Variants in DUOX2 observed in about 807,000 individuals in gnomAD.
The protein encoded by DUOX2 is dual oxidase 2, also known as NADH/NADPH thyroid oxidase p138-tox.
Under a neutral mutation model 183.3 loss-of-function variants are expected in DUOX2, and 185 were observed. That is an observed-to-expected ratio of 1.01 (90% confidence interval 0.90 to 1.14). The LOEUF (loss-of-function observed/expected upper bound fraction) is 1.14. DUOX2 is among the 50% of genes most tolerant of loss of function. The pLI, the probability that DUOX2 is intolerant of heterozygous loss-of-function variation, is 0.00. For missense variants in DUOX2, 1,999 were observed against 2,022.9 expected, an observed-to-expected ratio of 0.99 and a Z score of 0.23; for synonymous variants, 788 against 812.4, an observed-to-expected ratio of 0.97 and a Z score of 0.51.
rs1595521365 is a variant in DUOX2 at position 45,099,840 on chromosome 15, G to A, written c.3237C>T (p.Gly1079=). The change falls in exon 25 of 34, where the codon GGC becomes GGT. Residue 1079 remains glycine, a synonymous_variant. Coordinates refer to ENST00000389039, the MANE Select transcript of DUOX2 (RefSeq NM_001363711.2). The part of the protein sequence containing the change: ...PSDIAQTTLV[G]IILSRGTAAS... ...CCGCCGTGCCTCGTGACAGGATGATGCCCACGAGGGTGGTCTGTGCAATGT... is the reference window on the plus strand; with the variant it reads ...CCGCCGTGCCTCGTGACAGGATGATACCCACGAGGGTGGTCTGTGCAATGT... 1.9e-6 allele frequency: 3 copies of A among 1,614,226 alleles called. No individual in the cohort carries two copies. The East Asian group carries it at 6.7e-5, about 36-fold the overall frequency.
intron 5 of DUOX2, 66 bp downstream of exon 5, chr15:45,111,702 C>G: frequency 6.8e-7 from 1 of 1,467,448 alleles, no homozygotes; most frequent in Non-Finnish European, 9.0e-7. Context: ...CAGGCCCTGC[C>G]AGGCCCGAAG....
intron 4 of DUOX2, among the ~76,000 whole-genome samples, chr15:45,112,232 G>T (rs1289268403): frequency 6.6e-6 from 1 of 152,176 alleles, no homozygotes; most frequent in African/African-American, 2.4e-5. Flanking sequence ...CTCCCTCTGG[G>T]CTAGGGGGAG....
At chr15:45,099,974 G>T in intron 24 of DUOX2, 76 bp downstream of exon 24, 1 of 1,610,898 alleles carries the variant, frequency 6.2e-7, no homozygotes, top group Non-Finnish European at 8.5e-7. Context: ...AGACTCTTAG[G>T]ATCAGAGGGC....
chr15:45,108,681 C>T, intron 12 of DUOX2, 108 bp downstream of exon 12: 5 of 1,269,740 alleles, frequency 3.9e-6, no homozygotes, highest in Non-Finnish European at 5.7e-6. Flanking sequence ...TTATACATAC[C>T]TTACAATATT....
At position 45,099,175 on chromosome 15, in the gene DUOX2, T is replaced by C. The variant is rs377673379; in HGVS notation, c.3515+208A>G. On this transcript the variant is annotated intron_variant, in intron 26 of 33. Coordinates refer to ENST00000389039, the MANE Select transcript of DUOX2 (RefSeq NM_001363711.2). ...ACAGGCGCCCACCACCACGCCCGGC[T>C]AATTTTTTGTATTTTTAGTAGAGAC... 5,629 of 453,336 alleles carry C rather than the reference T, an allele frequency of 0.012. 68 individuals carry two copies. Among genetic ancestry groups the C allele is most frequent in the East Asian group, 0.032 (713 of 21,980 alleles). 28.1% of individuals were successfully genotyped at this position (453,336 alleles called of 1,614,324 possible). A position where few individuals can be genotyped will look rare whatever the true frequency, so the allele number is the denominator to read the frequency against.
chr15:45,104,187 T>C lies in DUOX2; in HGVS notation c.2513A>G (p.Tyr838Cys). 1.2e-6 allele frequency: 2 copies of C among 1,614,126 alleles called. No homozygotes were observed. Among genetic ancestry groups the C allele is most frequent in the South Asian group, 2.2e-5 (2 of 91,054 alleles). ...GTCCAGGAACTCTCGGAAGGACAGG[T>C]AGCCATTGCCATCCTTGTCAGCCAG... ...FSLADKDGNG[Y>C]LSFREFLDIL... The change falls in exon 19 of 34, where the codon TAC (tyrosine) becomes TGC (cysteine). Residue 838 changes from tyrosine to cysteine, a missense_variant. Physicochemically the swap from Tyr to Cys is radical, Grantham distance 194 (BLOSUM62 -2). Around this residue, in one of 3 missense-constraint regions of DUOX2, gnomAD observed 1,628 missense variants for 1,608.6 expected, o/e 1.01. Transcript: ENST00000389039.
chr15:45,097,480 G>C, intron 28 of DUOX2, 89 bp from the exon 29 acceptor site: 1 of 1,612,996 alleles, frequency 6.2e-7, no homozygotes, highest in Non-Finnish European at 8.5e-7. Flanking sequence ...CTGTGCCGGG[G>C]AGATAGGGCT....
intron 7 of DUOX2, 65 bp from the exon 8 acceptor site, chr15:45,110,775 G>T: frequency 6.2e-7 from 1 of 1,609,776 alleles, no homozygotes; most frequent in South Asian, 1.1e-5. Flanking sequence ...AAGGGTCTGA[G>T]CCCAAGGACG....
rs1595517725 is a variant in DUOX2, at chr15:45,094,164, AGTG to A, written c.4630_4632del (p.His1544del). 6.2e-7 allele frequency: 1 copy of A among 1,614,130 alleles called. No homozygotes were observed. ...GGAGGACAGGCTCAGAAGTTCTCATAGTGGTGCATGAAGTGGGCTCGGTCCTGC... is the reference window on the plus strand; with the variant it reads ...GGAGGACAGGCTCAGAAGTTCTCATAGTGCATGAAGTGGGCTCGGTCCTGC... On this transcript the variant is annotated inframe_deletion, in exon 34 of 34. Coordinates refer to ENST00000389039, the MANE Select transcript of DUOX2 (RefSeq NM_001363711.2).
rs779847821 is a variant in DUOX2, at chr15:45,104,003, C to T, written c.2611G>A (p.Glu871Lys). The change falls in exon 20 of 34, where the codon GAG (glutamate) becomes AAG (lysine). Residue 871 changes from glutamate to lysine, a missense_variant. Physicochemically the swap from Glu to Lys is moderately conservative, Grantham distance 56. This residue lies in a region of DUOX2 where 1,628 missense variants were observed against 1,608.6 expected (regional missense o/e 1.01). Coordinates refer to ENST00000389039, the MANE Select transcript of DUOX2 (RefSeq NM_001363711.2). Reference sequence around the variant, plus strand: ...TCGTCCTTGGAGAGGAAGCCATTCTCATCCAGGTCATACATGGTAAACATT... The same window carrying T: ...TCGTCCTTGGAGAGGAAGCCATTCTTATCCAGGTCATACATGGTAAACATT... Reference protein sequence around the residue: ...RLMFTMYDLDENGFLSKDEFF... With the variant: ...RLMFTMYDLDKNGFLSKDEFF... 1.9e-6 allele frequency: 3 copies of T among 1,614,180 alleles called. No individual in the cohort carries two copies. The highest frequency in any genetic ancestry group is 2.5e-6 in the Non-Finnish European group (3 of 1,180,042).
intron 29 of DUOX2, 65 bp from the exon 30 acceptor site, chr15:45,096,125 A>G: frequency 7.2e-7 from 1 of 1,385,660 alleles, no homozygotes; most frequent in Non-Finnish European, 1.0e-6. Flanking sequence ...GAGGACTGAT[A>G]GGCACCTGTC....
rs199546504 is a variant in DUOX2 at position 45,094,956 on chromosome 15, C to T, written c.4375G>A (p.Asp1459Asn). 25 of 1,614,134 alleles carry T rather than the reference C, an allele frequency of 1.5e-5. No individual in the cohort carries two copies. In the East Asian group the frequency reaches 1.6e-4, roughly 10 times the overall value. Reference protein sequence around the residue: ...IYVTQLAEKFDLRTTMLYICE... With the variant: ...IYVTQLAEKFNLRTTMLYICE... ...CATACTAGCATGGTGGTCCTGAGGTCGAACTTCTCAGCCAGCTGGGTGACA... is the reference window on the plus strand; with the variant it reads ...CATACTAGCATGGTGGTCCTGAGGTTGAACTTCTCAGCCAGCTGGGTGACA... Residue 1459 changes from aspartate (D) to asparagine (N), a missense_variant, in exon 32 of 34, where the codon GAC becomes AAC. Physicochemically the swap from Asp to Asn is conservative, Grantham distance 23. Around this residue, in one of 3 missense-constraint regions of DUOX2, gnomAD observed 1,628 missense variants for 1,608.6 expected, o/e 1.01. Transcript: ENST00000389039.
intron 29 of DUOX2, 83 bp downstream of exon 29, chr15:45,097,154 GT>G: frequency 6.3e-7 from 1 of 1,594,716 alleles, no homozygotes; most frequent in East Asian, 2.2e-5. Flanking sequence ...CAGTGATGGG[GT>G]CAGGAGACCT....
In DUOX2 at chr15:45,113,006, G is replaced by A. The variant is rs1314261962; in HGVS notation, c.141C>T (p.His47=). The A allele has an allele frequency of 6.2e-7, 1 of 1,613,596 alleles. No individual in the cohort carries two copies. The highest frequency in any genetic ancestry group is 1.3e-5 in the African/African-American group (1 of 74,932). Residue 47 remains histidine, a synonymous_variant, in exon 3 of 34, where the codon CAC becomes CAT. Coordinates refer to ENST00000389039, the MANE Select transcript of DUOX2 (RefSeq NM_001363711.2). ...ACGCACCAACAGCACCACGCTCGTG[G>A]TGCCTCAGGTTGTTAAACCAGCCGT... ...RYDGWFNNLR[H]HERGAVGCRL...
rs754006335 is a variant in DUOX2, at chr15:45,111,571, C to G, written c.528G>C (p.Thr176=). 26 of 1,544,822 alleles carry G rather than the reference C, an allele frequency of 1.7e-5. No homozygotes were observed. Among genetic ancestry groups the G allele is most frequent in the East Asian group, 9.9e-5 (4 of 40,260 alleles). ...AGATGGCGCTGCCGTCCAGCCAGCCCGTCACCTGGTTGGCCTGCGGGGCAC... is the reference window on the plus strand; with the variant it reads ...AGATGGCGCTGCCGTCCAGCCAGCCGGTCACCTGGTTGGCCTGCGGGGCAC... ...SNPRDLANQV[T]GWLDGSAIYG... Residue 176 remains threonine (T), a synonymous_variant, in exon 6 of 34, where the codon ACG becomes ACC. Transcript: ENST00000389039.
chr15:45,113,260 G>C, intron 2 of DUOX2, 82 bp downstream of exon 2: 1 of 1,501,226 alleles, frequency 6.7e-7, no homozygotes. Flanking sequence ...CAGTCTCAGG[G>C]AGCCGCTTGC....
chr15:45,109,547 T>G lies in DUOX2; in HGVS notation c.1211A>C (p.Asn404Thr). Residue 404 changes from asparagine to threonine, a missense_variant, in exon 11 of 34, where the codon AAC (asparagine) becomes ACC (threonine). This residue lies in a region of DUOX2 where 1,628 missense variants were observed against 1,608.6 expected (regional missense o/e 1.01). Transcript: ENST00000389039. ...ACCCCTCAGATCTTCAACCACTATG[T>G]TGTCCTCCAACTCCGAAATCTGGGA... is the stretch of plus-strand genomic sequence containing the variant. Reference protein sequence around the residue: ...MASQISELEDNIVVEDLRDYW... With the variant: ...MASQISELEDTIVVEDLRDYW... The G allele has an allele frequency of 6.2e-7, 1 of 1,614,118 alleles. No individual in the cohort carries two copies. The highest frequency in any genetic ancestry group is 8.5e-7 in the Non-Finnish European group (1 of 1,180,020).
At chr15:45,108,434 G>A (rs536084989) in intron 12 of DUOX2, 2 of 625,370 alleles carry the variant, frequency 3.2e-6, no homozygotes, top group South Asian at 3.8e-5. Flanking sequence ...AGGTGCCCTA[G>A]GACCATATCC....
At chr15:45,102,720 G>A (rs1267467318) in intron 20 of DUOX2, among the ~76,000 whole-genome samples, 5 of 152,178 alleles carry the variant, frequency 3.3e-5, no homozygotes, top group Non-Finnish European at 7.4e-5. Context: ...GGTGGCTCAC[G>A]CCTGTAACCC....
Sources: gnomAD v4.1 joint callset for allele counts (sites outside exome capture counted in the v4.1 genomes callset) on GRCh38, gnomAD v4.1.1 for gene constraint, gnomAD v4.1.1 regional missense constraint, MANE v1.5 for transcripts, NCBI Gene and HGNC (gene_info 2026-07-23, HGNC 2026-07-21) for gene names.